SRRM4: variants seen among roughly 807,000 people sequenced by gnomAD.
SRRM4 encodes serine/arginine repetitive matrix protein 4.
In SRRM4, 33 loss-of-function variants were observed where a neutral mutation model predicts 68.9. The ratio of observed to expected loss-of-function variants is 0.48; its 90% confidence interval spans 0.36 to 0.64. The LOEUF is 0.64. Among genes scored for constraint, SRRM4 ranks in the 30% least tolerant of loss-of-function variants. The probability of loss-of-function intolerance (pLI) is 0.00; values close to 1 mark genes in which losing one functional copy is unlikely to be tolerated. For missense variants in SRRM4, 817 were observed against 827.1 expected (o/e 0.99, Z 0.15); for synonymous variants, 318 against 318.8 (o/e 1.00, Z 0.03).
intron 7 of SRRM4, among the ~76,000 whole-genome samples, chr12:119,126,618 C>A (rs7311624): frequency 6.6e-6 from 1 of 152,062 alleles, no homozygotes; most frequent in South Asian, 2.1e-4. Context: ...CTAACCTGGA[C>A]TCTCTCTATG....
chr12:119,004,868 C>A (rs1427511354), intron 1 of SRRM4, among the ~76,000 whole-genome samples: 4 of 151,964 alleles, frequency 2.6e-5, no homozygotes, highest in South Asian at 4.2e-4. Context: ...AAACCACAGA[C>A]CCTTCTTCCA....
chr12:119,018,516 T>G (rs1251257939), intron 1 of SRRM4, among the ~76,000 whole-genome samples: 1 of 152,160 alleles, frequency 6.6e-6, no homozygotes, highest in Non-Finnish European at 1.5e-5. Flanking sequence ...ACTCAAGAAT[T>G]TTTTTGTTAG....
At chr12:119,037,759 G>A (rs1329376213) in intron 1 of SRRM4, among the ~76,000 whole-genome samples, 3 of 152,166 alleles carry the variant, frequency 2.0e-5, no homozygotes, top group Non-Finnish European at 4.4e-5. Context: ...ATGTATTTGG[G>A]CTGCTTCTAA....
intron 1 of SRRM4, among the ~76,000 whole-genome samples, chr12:118,995,489 T>C (rs1256487712): frequency 6.6e-6 from 1 of 152,232 alleles, no homozygotes; most frequent in Admixed American, 6.5e-5. Context: ...AGTGCCACAG[T>C]GGTGCATCAG....
At chr12:119,040,209 T>C (rs1953657627) in intron 1 of SRRM4, among the ~76,000 whole-genome samples, 2 of 151,988 alleles carry the variant, frequency 1.3e-5, no homozygotes, top group Admixed American at 1.3e-4. Flanking sequence ...TTTATTTTAT[T>C]TTTCCATAAT....
At chr12:119,140,286 G>A (rs1954356721) in intron 8 of SRRM4, among the ~76,000 whole-genome samples, 1 of 151,584 alleles carries the variant, frequency 6.6e-6, no homozygotes, top group African/African-American at 2.4e-5. Flanking sequence ...GCTGAAGCAG[G>A]AGAATCGCTT....
At chr12:119,027,621 G>T (rs1216978336) in intron 1 of SRRM4, among the ~76,000 whole-genome samples, 2 of 152,138 alleles carry the variant, frequency 1.3e-5, no homozygotes, top group African/African-American at 2.4e-5. Flanking sequence ...GAGGTGAGAT[G>T]AACACAATTG....
chr12:118,999,555 AT>A (rs1001467024), intron 1 of SRRM4, among the ~76,000 whole-genome samples: 25 of 152,310 alleles, frequency 1.6e-4, no homozygotes, highest in African/African-American at 6.0e-4. Flanking sequence ...TGGAAGAATT[AT>A]TTTTTTCCAT....
chr12:119,013,930 C>A (rs1248627224), intron 1 of SRRM4, among the ~76,000 whole-genome samples: 3 of 79,644 alleles, frequency 3.8e-5, no homozygotes, highest in African/African-American at 1.2e-4. Context: ...TGCTACCCTC[C>A]CCTTCTTCCC....
chr12:119,115,296 C>A (rs1327974322), intron 3 of SRRM4, among the ~76,000 whole-genome samples: 2 of 152,028 alleles, frequency 1.3e-5, no homozygotes, highest in Non-Finnish European at 2.9e-5. Context: ...TGCATTTTTT[C>A]TACGTCCAAT....
At chr12:119,002,368 TATC>T (rs1187364038) in intron 1 of SRRM4, among the ~76,000 whole-genome samples, 3 of 152,180 alleles carry the variant, frequency 2.0e-5, no homozygotes, top group Admixed American at 2.0e-4. Context: ...TCCATGGGCT[TATC>T]ATAGTGCTAG....
chr12:118,993,493 T>G (rs79746950), intron 1 of SRRM4, among the ~76,000 whole-genome samples: 1 of 152,144 alleles, frequency 6.6e-6, no homozygotes, highest in Admixed American at 6.5e-5. Context: ...GGAACCCAGA[T>G]ATCAATAGCC....
At chr12:119,099,430 G>A (rs936635477) in intron 1 of SRRM4, among the ~76,000 whole-genome samples, 2 of 151,730 alleles carry the variant, frequency 1.3e-5, no homozygotes, top group Non-Finnish European at 2.9e-5. Flanking sequence ...GACTATGCCC[G>A]GCCGCTCTTC....
At chr12:119,055,517 T>G (rs1953771191) in intron 1 of SRRM4, among the ~76,000 whole-genome samples, 1 of 152,226 alleles carries the variant, frequency 6.6e-6, no homozygotes, top group Non-Finnish European at 1.5e-5. Flanking sequence ...AAGACCTGCC[T>G]TTATTCCTCC....
intron 1 of SRRM4, among the ~76,000 whole-genome samples, chr12:119,100,125 A>G (rs1192267320): frequency 1.3e-5 from 2 of 152,082 alleles, no homozygotes; most frequent in African/African-American, 4.8e-5. Flanking sequence ...GACTTCTCTG[A>G]TTATTATATA....
At chr12:119,013,625 T>C (rs2135998409) in intron 1 of SRRM4, among the ~76,000 whole-genome samples, 1 of 152,320 alleles carries the variant, frequency 6.6e-6, no homozygotes, top group South Asian at 2.1e-4. Flanking sequence ...TTCTTAACTT[T>C]GTATTTTGGA....
intron 1 of SRRM4, among the ~76,000 whole-genome samples, chr12:119,000,468 A>G (rs913732705): frequency 1.3e-5 from 2 of 152,108 alleles, no homozygotes; most frequent in African/African-American, 4.8e-5. Flanking sequence ...AATACATTTG[A>G]CCCCAGTGAA....
At chr12:119,097,514 T>A (rs1262123082) in intron 1 of SRRM4, among the ~76,000 whole-genome samples, 3 of 152,256 alleles carry the variant, frequency 2.0e-5, no homozygotes, top group African/African-American at 7.2e-5. Flanking sequence ...CCTCTCTGCC[T>A]GGCAGAATTC....
intron 8 of SRRM4, among the ~76,000 whole-genome samples, chr12:119,144,278 G>A (rs1299204706): frequency 6.6e-6 from 1 of 152,160 alleles, no homozygotes; most frequent in Non-Finnish European, 1.5e-5. Context: ...CCACTGGCAT[G>A]TTCCACAAGG....
Sources: allele counts gnomAD v4.1 joint callset (sites outside exome capture counted in the v4.1 genomes callset), GRCh38; gene constraint gnomAD v4.1.1; transcripts MANE v1.5; gene names NCBI Gene and HGNC (gene_info 2026-07-23, HGNC 2026-07-21).